PEX14: variants seen among roughly 807,000 people sequenced by gnomAD.
PEX14 encodes the protein peroxisomal biogenesis factor 14, also known as peroxisomal membrane protein PEX14.
In PEX14, 15 loss-of-function variants were observed where a neutral mutation model predicts 49.5. The ratio of observed to expected loss-of-function variants is 0.30; its 90% CI spans 0.20 to 0.47. The LOEUF is 0.47. Ranked by LOEUF, PEX14 falls within the 20% of genes least tolerant of loss-of-function variation. The pLI is 1.00. For missense variants in PEX14, 398 were observed against 494.8 expected (o/e 0.80, Z 1.86); for synonymous variants, 210 against 212.7 (o/e 0.99, Z 0.11).
At chr1:10,554,769 A>G (rs1460255201) in intron 3 of PEX14, among the ~76,000 whole-genome samples, 1 of 151,616 alleles carries the variant, frequency 6.6e-6, no homozygotes, top group African/African-American at 2.4e-5. Flanking sequence ...GCTGGAATAC[A>G]GTGGCGCGAT....
chr1:10,618,741 G>A (rs778447615), intron 5 of PEX14, among the ~76,000 whole-genome samples: 10 of 152,354 alleles, frequency 6.6e-5, no homozygotes, highest in African/African-American at 9.6e-5. Flanking sequence ...GAAGCCGTGC[G>A]AGCAGTTTTG....
intron 4 of PEX14, among the ~76,000 whole-genome samples, chr1:10,607,400 C>T (rs1313738358): frequency 6.6e-6 from 1 of 152,084 alleles, no homozygotes; most frequent in Non-Finnish European, 1.5e-5. Context: ...CTTGGGTGAG[C>T]GCCTAGAAGT....
intron 3 of PEX14, among the ~76,000 whole-genome samples, chr1:10,563,778 GGC>G (rs1639722740): frequency 2.0e-5 from 3 of 151,896 alleles, no homozygotes; most frequent in Non-Finnish European, 2.9e-5. Flanking sequence ...CGGGCATGGT[GGC>G]GGGTGCCTGT....
chr1:10,507,853 C>CA (rs1026546025), intron 2 of PEX14, among the ~76,000 whole-genome samples: 3 of 152,176 alleles, frequency 2.0e-5, no homozygotes, highest in Non-Finnish European at 4.4e-5. Context: ...TCCTCATTGT[C>CA]AGAGTTAAGG....
At chr1:10,481,074 A>G (rs1341141998) in intron 1 of PEX14, among the ~76,000 whole-genome samples, 4 of 151,880 alleles carry the variant, frequency 2.6e-5, no homozygotes, top group African/African-American at 9.7e-5. Flanking sequence ...AAAAATCAGA[A>G]TCTAGTGAAG....
Position 10,595,188 on chromosome 1 carries a change from A to G in PEX14, c.170-4050A>G, listed in dbSNP as rs555933324. Among the ~76,000 whole-genome samples, 8 of 152,322 alleles carry G rather than the reference A, an allele frequency of 5.3e-5. No homozygotes were observed. In the East Asian group the frequency reaches 1.4e-3, roughly 26 times the overall value. On this transcript the variant is annotated intron_variant, in intron 3 of 8. Coordinates refer to ENST00000356607, the MANE Select transcript of PEX14 (RefSeq NM_004565.3). ...AAGAAGTCTTCCCCACTCTGGGCAC[A>G]TGGAATCTTCATTCAAAGAGTTTGG...
At chr1:10,625,693 T>A (rs982809595) in intron 7 of PEX14, among the ~76,000 whole-genome samples, 1 of 152,210 alleles carries the variant, frequency 6.6e-6, no homozygotes, top group Middle Eastern at 3.2e-3. Context: ...CCCTGCCTGC[T>A]CTCCTGGGTC....
At chr1:10,505,634 C>T (rs1641768768) in intron 2 of PEX14, among the ~76,000 whole-genome samples, 1 of 151,278 alleles carries the variant, frequency 6.6e-6, no homozygotes, top group South Asian at 2.1e-4. Flanking sequence ...TCTTTAGCCT[C>T]CCAGAGTGCC....
intron 4 of PEX14, among the ~76,000 whole-genome samples, chr1:10,600,515 G>A (rs1467139584): frequency 3.3e-5 from 5 of 151,984 alleles, no homozygotes; most frequent in Admixed American, 1.3e-4. Flanking sequence ...TCAGGAGTTC[G>A]AGACCAGCCT....
rs1638569601 is a variant in PEX14, at chr1:10,529,001, A to G, written c.85-7212A>G. ...CTTCAAACAATTTGCTGCCAGTTGCATTTCAAAGGCAGGGAAAAGGCAAAT... is the reference window on the plus strand; with the variant it reads ...CTTCAAACAATTTGCTGCCAGTTGCGTTTCAAAGGCAGGGAAAAGGCAAAT... On this transcript the variant is annotated intron_variant, in intron 2 of 8. Coordinates refer to ENST00000356607, the MANE Select transcript of PEX14 (RefSeq NM_004565.3). The surrounding 1 kb of genome is among the most constrained non-coding windows in gnomAD (Gnocchi z 4.2). Among the ~76,000 whole-genome samples, 5 of 152,290 alleles carry G rather than the reference A, an allele frequency of 3.3e-5. No individual in the cohort carries two copies. The South Asian group carries it at 1.0e-3, about 32-fold the overall frequency.
At chr1:10,511,935 T>A (rs1406057022) in intron 2 of PEX14, among the ~76,000 whole-genome samples, 3 of 152,170 alleles carry the variant, frequency 2.0e-5, no homozygotes, top group African/African-American at 7.2e-5. Context: ...TGCTCAGTCT[T>A]ATGGCTTAGG....
intron 3 of PEX14, among the ~76,000 whole-genome samples, chr1:10,570,852 T>G (rs72641422): frequency 3.5e-4 from 25 of 71,700 alleles, no homozygotes; most frequent in South Asian, 1.0e-3. Flanking sequence ...AACAGGGTTT[T>G]TTTTTTTTTT....
chr1:10,569,135 C>T, intron 3 of PEX14, among the ~76,000 whole-genome samples: 1 of 151,982 alleles, frequency 6.6e-6, no homozygotes, highest in East Asian at 1.9e-4. Context: ...AAATTCTAAG[C>T]ATTATAGTAC....
At chr1:10,549,470 G>A (rs543014068) in intron 3 of PEX14, among the ~76,000 whole-genome samples, 30 of 152,190 alleles carry the variant, frequency 2.0e-4, no homozygotes, top group Non-Finnish European at 3.7e-4. Context: ...TGCACAGAAT[G>A]TAATTGAAAG....
At chr1:10,490,700 CTT>C (rs34914348) in intron 1 of PEX14, among the ~76,000 whole-genome samples, 7 of 132,556 alleles carry the variant, frequency 5.3e-5, no homozygotes, top group Admixed American at 2.4e-4. Flanking sequence ...GTTTCTAAGC[CTT>C]TTTTTTTTTT....
At chr1:10,608,950 A>C (rs1641201109) in intron 4 of PEX14, among the ~76,000 whole-genome samples, 1 of 152,074 alleles carries the variant, frequency 6.6e-6, no homozygotes, top group East Asian at 1.9e-4. Context: ...GGCAACCACT[A>C]ATCTCCTTTT....
chr1:10,530,238 C>A (rs1185333567), intron 2 of PEX14, among the ~76,000 whole-genome samples: 1 of 152,078 alleles, frequency 6.6e-6, no homozygotes, highest in Non-Finnish European at 1.5e-5. Flanking sequence ...TTTTAATGAG[C>A]AATTTTTAAA....
At chr1:10,614,616 T>C (rs907556035) in intron 4 of PEX14, among the ~76,000 whole-genome samples, 1 of 152,160 alleles carries the variant, frequency 6.6e-6, no homozygotes, top group African/African-American at 2.4e-5. Flanking sequence ...TCCAGCAAAC[T>C]CCAGGTGCTG....
At chr1:10,544,768 T>C (rs1316633819) in intron 3 of PEX14, among the ~76,000 whole-genome samples, 1 of 151,930 alleles carries the variant, frequency 6.6e-6, no homozygotes, top group Non-Finnish European at 1.5e-5. Context: ...TTTTTTTTCT[T>C]TTTCTTTTTC....
Sources: allele counts gnomAD v4.1 joint callset (sites outside exome capture counted in the v4.1 genomes callset), GRCh38; gene constraint gnomAD v4.1.1; non-coding constraint Gnocchi (gnomAD v3.1); transcripts MANE v1.5; gene names NCBI Gene and HGNC (gene_info 2026-07-23, HGNC 2026-07-21).